KCNQ3: variants seen among roughly 807,000 people sequenced by gnomAD.
KCNQ3 encodes potassium voltage-gated channel subfamily Q member 3.
KCNQ3 carries 30 observed loss-of-function variants against 92.5 expected under a neutral mutation model. The observed-to-expected ratio is 0.32, with a 90% confidence interval of 0.24 to 0.44. The LOEUF is 0.44. Ranked by LOEUF, KCNQ3 falls within the 20% of genes least tolerant of loss-of-function variation. The probability of loss-of-function intolerance (pLI) is 1.00; values close to 1 mark genes in which losing one functional copy is unlikely to be tolerated. For missense variants in KCNQ3, 913 were observed against 1,140.3 expected (o/e 0.80, Z 2.87); for synonymous variants, 450 against 468.8 (o/e 0.96, Z 0.52).
chr8:132,141,962 C>T (rs1410070305), intron 9 of KCNQ3, among the ~76,000 whole-genome samples: 10 of 152,206 alleles, frequency 6.6e-5, no homozygotes, highest in African/African-American at 2.4e-4. Context: ...ATGCCTGAGA[C>T]TTGCCACAAC....
At chr8:132,468,173 G>A (rs1233193486) in intron 1 of KCNQ3, among the ~76,000 whole-genome samples, 1 of 152,142 alleles carries the variant, frequency 6.6e-6, no homozygotes, top group Non-Finnish European at 1.5e-5. Context: ...GCATTACCAG[G>A]GCTTCGGAGA....
intron 1 of KCNQ3, among the ~76,000 whole-genome samples, chr8:132,394,569 G>C (rs1215885696): frequency 6.6e-6 from 1 of 152,010 alleles, no homozygotes; most frequent in Non-Finnish European, 1.5e-5. Context: ...TGAAGGACCT[G>C]AGAGAACTTC....
At chr8:132,186,879 G>A (rs1183967375) in intron 1 of KCNQ3, among the ~76,000 whole-genome samples, 1 of 145,880 alleles carries the variant, frequency 6.9e-6, no homozygotes, top group African/African-American at 2.6e-5. Context: ...AATTTTTTAA[G>A]ATTGTTATCT....
intron 1 of KCNQ3, among the ~76,000 whole-genome samples, chr8:132,475,144 C>G (rs1195419711): frequency 1.3e-5 from 2 of 152,204 alleles, no homozygotes; most frequent in African/African-American, 2.4e-5. Context: ...CCCAGCCATG[C>G]AGAACTGTGA....
intron 1 of KCNQ3, among the ~76,000 whole-genome samples, chr8:132,429,237 T>C (rs1821185101): frequency 6.6e-6 from 1 of 152,194 alleles, no homozygotes; most frequent in Non-Finnish European, 1.5e-5. Context: ...AGGCATCTTG[T>C]CTCCTTATCA....
chr8:132,362,094 TAAA>T (rs1396221668), intron 1 of KCNQ3, among the ~76,000 whole-genome samples: 1 of 152,216 alleles, frequency 6.6e-6, no homozygotes, highest in Non-Finnish European at 1.5e-5. Flanking sequence ...CGAGAGCTCC[TAAA>T]ATGTTGATAG....
Position 132,286,172 on chromosome 8 carries a change from G to A in KCNQ3, c.387-99991C>T, listed in dbSNP as rs1413510295. On this transcript the variant is annotated intron_variant, in intron 1 of 14. Transcript: ENST00000388996. Reference sequence around the variant, plus strand: ...AATGTAAGGTTGGGGCCACTGTCAGGGCCCCAGAATACAGCCACTAGCAGC... The same window carrying A: ...AATGTAAGGTTGGGGCCACTGTCAGAGCCCCAGAATACAGCCACTAGCAGC... Among the ~76,000 whole-genome samples, 4 of 152,136 alleles carry A rather than the reference G, an allele frequency of 2.6e-5. No individual in the cohort carries two copies. In the East Asian group the frequency reaches 7.7e-4, roughly 29 times the overall value.
At chr8:132,412,457 G>A (rs1048734450) in intron 1 of KCNQ3, among the ~76,000 whole-genome samples, 6 of 152,166 alleles carry the variant, frequency 3.9e-5, no homozygotes, top group African/African-American at 1.2e-4. Context: ...GGAATATTGC[G>A]ACACCTCCAA....
At position 132,123,306 on chromosome 8, in the gene KCNQ3, AG is replaced by A. The variant is rs1371011567; in HGVS notation, c.*5955del. On this transcript the variant is annotated 3_prime_UTR_variant, in exon 15 of 15. Transcript: ENST00000388996. ...GAGGGCAGAGGGGTGGAGGGCAGAG[AG>A]GTGGAGGGGAGGAGTGCCTGCATGG... The A allele has an allele frequency of 6.6e-6, 1 of 152,526 alleles. No homozygotes were observed. Among genetic ancestry groups the A allele is most frequent in the Non-Finnish European group, 1.5e-5 (1 of 68,256 alleles). The allele number at this position is 152,526 out of a possible 1,614,324, so 9.4% of individuals were successfully genotyped here. A position where few individuals can be genotyped will look rare whatever the true frequency, so the allele number is the denominator to read the frequency against.
At chr8:132,357,007 T>TAACAAC (rs111426424) in intron 1 of KCNQ3, among the ~76,000 whole-genome samples, 6,841 of 150,420 alleles carry the variant, frequency 0.045, 264 homozygotes, top group African/African-American at 0.1. Flanking sequence ...ACTATTTTAT[T>TAACAAC]AACAACAACA....
chr8:132,413,224 G>C (rs1820700156), intron 1 of KCNQ3, among the ~76,000 whole-genome samples: 1 of 152,224 alleles, frequency 6.6e-6, no homozygotes, highest in Admixed American at 6.5e-5. Flanking sequence ...ACTGGATCAT[G>C]TGCAAACCTC....
chr8:132,366,869 T>C (rs981204516), intron 1 of KCNQ3, among the ~76,000 whole-genome samples: 30 of 152,230 alleles, frequency 2.0e-4, no homozygotes, highest in Non-Finnish European at 3.8e-4. Flanking sequence ...TTATTTAGAA[T>C]GTTTGCTTAA....
intron 1 of KCNQ3, among the ~76,000 whole-genome samples, chr8:132,474,849 C>A (rs1188986732): frequency 1.3e-5 from 2 of 152,050 alleles, no homozygotes; most frequent in African/African-American, 4.8e-5. Context: ...AGGGGAGTCA[C>A]CAAGTGAAAG....
Position 132,404,033 on chromosome 8 carries a change from T to C in KCNQ3, c.386+76114A>G, listed in dbSNP as rs112371202. On this transcript the variant is annotated intron_variant, in intron 1 of 14. Coordinates refer to ENST00000388996, the MANE Select transcript of KCNQ3 (RefSeq NM_004519.4). ...TGAGGACCAAGCCCCATTCTGTACA[T>C]CTCCACAGACCAGCCCTTGCCTGGA... 5.5e-3 allele frequency among the ~76,000 whole-genome samples: 830 copies of C among 152,228 alleles called. 2 individuals are homozygous for C. Among genetic ancestry groups the C allele is most frequent in the South Asian group, 0.015 (73 of 4,822 alleles).
chr8:132,170,527 T>C, intron 7 of KCNQ3, 99 bp from the exon 8 acceptor site: 1 of 794,292 alleles, frequency 1.3e-6, no homozygotes, highest in South Asian at 1.4e-5. Flanking sequence ...CCTGGACTCC[T>C]AAGAATTTGA....
chr8:132,422,612 C>T, intron 1 of KCNQ3, among the ~76,000 whole-genome samples: 1 of 152,180 alleles, frequency 6.6e-6, no homozygotes, highest in East Asian at 1.9e-4. Flanking sequence ...AGTTCTCTTC[C>T]ACCAGCTGCA....
Position 132,129,052 on chromosome 8 carries a change from C to T in KCNQ3, c.*210G>A. ...CGGAACCATTTATATAGTGTAAAGT[C>T]ATGCAAACCATGCTGAAAAGGAAGC... On this transcript the variant is annotated 3_prime_UTR_variant, in exon 15 of 15. Coordinates refer to ENST00000388996, the MANE Select transcript of KCNQ3 (RefSeq NM_004519.4). The surrounding 1 kb of genome is among the most constrained non-coding windows in gnomAD (Gnocchi z 5.9). 1.7e-6 allele frequency: 1 copy of T among 605,814 alleles called. No individual in the cohort carries two copies. The highest frequency in any genetic ancestry group is 2.8e-5 in the East Asian group (1 of 36,238). 37.5% of individuals were successfully genotyped at this position (605,814 alleles called of 1,614,324 possible). A position where few individuals can be genotyped will look rare whatever the true frequency, so the allele number is the denominator to read the frequency against.
intron 1 of KCNQ3, among the ~76,000 whole-genome samples, chr8:132,240,791 C>T (rs1024834200): frequency 1.3e-5 from 2 of 152,190 alleles, no homozygotes; most frequent in African/African-American, 4.8e-5. Flanking sequence ...AATAAGTGAA[C>T]TAGTCAATGA....
intron 1 of KCNQ3, among the ~76,000 whole-genome samples, chr8:132,267,370 T>TGCCAG (rs780624771): frequency 6.6e-6 from 1 of 152,192 alleles, no homozygotes; most frequent in Non-Finnish European, 1.5e-5. Flanking sequence ...ACGTCCTCTG[T>TGCCAG]GCCAGGCACT....
Sources: allele counts gnomAD v4.1 joint callset (sites outside exome capture counted in the v4.1 genomes callset), GRCh38; gene constraint gnomAD v4.1.1; non-coding constraint Gnocchi (gnomAD v3.1); transcripts MANE v1.5; gene names NCBI Gene and HGNC (gene_info 2026-07-23, HGNC 2026-07-21).